The following IGF1R variants were observed in gnomAD, a reference collection of about 807,000 sequenced individuals.
The protein encoded by IGF1R is insulin-like growth factor 1 receptor.
IGF1R carries 44 observed loss-of-function variants against 144.6 expected under a neutral mutation model. That is an observed-to-expected ratio of 0.30 (90% CI 0.24 to 0.39). The LOEUF is 0.39. IGF1R is among the 10% of genes least tolerant of loss of function. The pLI is 1.00. For synonymous variants in IGF1R, 795 were observed against 722.8 expected (o/e 1.10, Z -1.60); for missense variants, 1,355 against 1,833.7 (o/e 0.74, Z 4.77).
At chr15:98,814,917 C>T (rs1279046681) in intron 2 of IGF1R, among the ~76,000 whole-genome samples, 2 of 152,156 alleles carry the variant, frequency 1.3e-5, no homozygotes, top group South Asian at 2.1e-4. Flanking sequence ...AACTTACATT[C>T]TGAAAGGAAA....
At chr15:98,763,734 A>C (rs1363676220) in intron 2 of IGF1R, among the ~76,000 whole-genome samples, 1 of 152,132 alleles carries the variant, frequency 6.6e-6, no homozygotes, top group Admixed American at 6.5e-5. Context: ...CTTCATTTTG[A>C]ATGCTTAGAC....
chr15:98,883,927 A>C (rs2013509332), intron 2 of IGF1R, among the ~76,000 whole-genome samples: 1 of 152,062 alleles, frequency 6.6e-6, no homozygotes, highest in Non-Finnish European at 1.5e-5. Context: ...CTTTGTTGAA[A>C]ACTCTTTGCC....
chr15:98,796,116 C>T (rs573851003), intron 2 of IGF1R, among the ~76,000 whole-genome samples: 20 of 152,264 alleles, frequency 1.3e-4, no homozygotes, highest in African/African-American at 4.8e-4. Context: ...GAGGCTTCTC[C>T]GTGGGAGCGA....
intron 2 of IGF1R, among the ~76,000 whole-genome samples, chr15:98,825,863 A>G (rs373123891): frequency 3.9e-5 from 6 of 152,206 alleles, no homozygotes; most frequent in African/African-American, 1.4e-4. Context: ...AGTTGGTTGA[A>G]TCCATGGGTG....
intron 1 of IGF1R, among the ~76,000 whole-genome samples, chr15:98,669,354 A>G (rs919231002): frequency 6.6e-6 from 1 of 151,696 alleles, no homozygotes; most frequent in Non-Finnish European, 1.5e-5. Context: ...TTTTCCATGA[A>G]CTCCACCCCA....
intron 1 of IGF1R, among the ~76,000 whole-genome samples, chr15:98,695,083 C>T (rs2053565973): frequency 6.6e-6 from 1 of 152,074 alleles, no homozygotes; most frequent in Non-Finnish European, 1.5e-5. Flanking sequence ...TTTTTCCTGC[C>T]TCTATGGGTT....
intron 1 of IGF1R, among the ~76,000 whole-genome samples, chr15:98,669,514 A>G (rs553742986): frequency 6.6e-6 from 1 of 152,274 alleles, no homozygotes; most frequent in African/African-American, 2.4e-5. Flanking sequence ...GCTGGCTGCT[A>G]TGAATTCTTA....
At chr15:98,878,702 C>T (rs28525212) in intron 2 of IGF1R, among the ~76,000 whole-genome samples, 1 of 90,864 alleles carries the variant, frequency 1.1e-5, no homozygotes, top group African/African-American at 4.4e-5. Flanking sequence ...AAAACAACAA[C>T]AAAAAAAAGG....
At chr15:98,782,145 A>G (rs1458708917) in intron 2 of IGF1R, among the ~76,000 whole-genome samples, 2 of 152,176 alleles carry the variant, frequency 1.3e-5, no homozygotes, top group Non-Finnish European at 2.9e-5. Flanking sequence ...TCCTGTTAAT[A>G]TGTAGTATTC....
chr15:98,744,015 G>C lies in IGF1R; in HGVS notation c.640+35908G>C, dbSNP rs185342192. Among the ~76,000 whole-genome samples, 18 of 152,268 alleles carry C rather than the reference G, an allele frequency of 1.2e-4. No homozygotes were observed. In the East Asian group the frequency reaches 3.5e-3, roughly 29 times the overall value. On this transcript the variant is annotated intron_variant, in intron 2 of 20. Transcript: ENST00000650285. ...GATCAGGTGGGGACTGTGAGCATGA[G>C]TTTGATTTTTGCAGATACTGGGTTT... is the stretch of plus-strand genomic sequence containing the variant.
At chr15:98,804,650 C>A (rs531729006) in intron 2 of IGF1R, among the ~76,000 whole-genome samples, 1 of 152,188 alleles carries the variant, frequency 6.6e-6, no homozygotes, top group African/African-American at 2.4e-5. Flanking sequence ...GTGCTAAGAC[C>A]GTCATCATGG....
chr15:98,880,495 C>T (rs1195276812), intron 2 of IGF1R, among the ~76,000 whole-genome samples: 2 of 152,226 alleles, frequency 1.3e-5, no homozygotes, highest in Non-Finnish European at 2.9e-5. Context: ...TAAGTGTTCA[C>T]AGATACATTC....
chr15:98,654,039 A>G (rs745559918), intron 1 of IGF1R, among the ~76,000 whole-genome samples: 1 of 152,214 alleles, frequency 6.6e-6, no homozygotes, highest in Non-Finnish European at 1.5e-5. Context: ...CTTTCTTGAA[A>G]TTCAGATTTT....
At chr15:98,677,912 C>G (rs370498778) in intron 1 of IGF1R, among the ~76,000 whole-genome samples, 2 of 152,164 alleles carry the variant, frequency 1.3e-5, no homozygotes, top group African/African-American at 2.4e-5. Context: ...TAGGGTCTTG[C>G]TGCATTAGCC....
chr15:98,916,216 A>T, intron 9 of IGF1R, 85 bp downstream of exon 9: 3 of 1,281,152 alleles, frequency 2.3e-6, no homozygotes, highest in Middle Eastern at 3.9e-4. Flanking sequence ...TATTACACGT[A>T]TCAGACAACA....
In IGF1R at chr15:98,933,159, G is replaced by A. The variant is rs113559677; in HGVS notation, c.2957-1665G>A. On this transcript the variant is annotated intron_variant, in intron 15 of 20. Coordinates refer to ENST00000650285, the MANE Select transcript of IGF1R (RefSeq NM_000875.5). ...TCAGGCAAGGACATTAGCACACAGC[G>A]TCAGAGGAATTACTGACATTTCATA... is the stretch of plus-strand genomic sequence containing the variant. Among the ~76,000 whole-genome samples, 710 of 152,324 alleles carry A rather than the reference G, an allele frequency of 4.7e-3. 8 individuals carry two copies. The highest frequency in any genetic ancestry group is 0.016 in the African/African-American group (649 of 41,576).
At chr15:98,844,762 C>T (rs2011249642) in intron 2 of IGF1R, among the ~76,000 whole-genome samples, 1 of 152,046 alleles carries the variant, frequency 6.6e-6, no homozygotes, top group Non-Finnish European at 1.5e-5. Flanking sequence ...CTGTTAATTG[C>T]AAGAAATCTT....
intron 1 of IGF1R, among the ~76,000 whole-genome samples, chr15:98,701,931 C>T (rs988382833): frequency 2.2e-4 from 33 of 151,674 alleles, no homozygotes; most frequent in Non-Finnish European, 4.1e-4. Context: ...TAGGTAGTGA[C>T]AGCCCATTTT....
chr15:98,785,417 A>G (rs2055968885), intron 2 of IGF1R, among the ~76,000 whole-genome samples: 2 of 152,206 alleles, frequency 1.3e-5, no homozygotes, highest in Admixed American at 1.3e-4. Context: ...TGAGAATGTC[A>G]AGTAATAGAA....
Sources: allele counts gnomAD v4.1 joint callset (sites outside exome capture counted in the v4.1 genomes callset), GRCh38; gene constraint gnomAD v4.1.1; transcripts MANE v1.5; gene names NCBI Gene and HGNC (gene_info 2026-07-23, HGNC 2026-07-21).